The following CFAP47 variants were observed in gnomAD, a reference collection of about 807,000 sequenced individuals.
CFAP47 encodes the protein cilia- and flagella-associated protein 47.
CFAP47 carries 29 observed loss-of-function variants against 148.1 expected under a neutral mutation model. That is an observed-to-expected ratio of 0.20 (90% CI 0.15 to 0.27). The LOEUF (loss-of-function observed/expected upper bound fraction) is 0.27, where lower values mean the gene tolerates loss of function less well. Ranked by LOEUF, CFAP47 falls within the 10% of genes least tolerant of loss-of-function variation. The pLI is 1.00. For synonymous variants in CFAP47, 664 were observed against 577.3 expected, an observed-to-expected ratio of 1.15 and a Z score of -2.15; for missense variants, 1,872 against 1,697.5, an observed-to-expected ratio of 1.10 and a Z score of -1.81.
intron 48 of CFAP47, among the ~76,000 whole-genome samples, chrX:36,239,998 G>A (rs1042257052): frequency 1.8e-5 from 2 of 111,620 alleles, no homozygotes; most frequent in Non-Finnish European, 3.8e-5. Flanking sequence ...ACTGCTGACC[G>A]CTAAGCCAAC....
intron 62 of CFAP47, among the ~76,000 whole-genome samples, chrX:36,371,723 C>CACACATGTGTATATATGTGTGTATATAT (rs1941949273): frequency 1.9e-5 from 1 of 52,161 alleles, no homozygotes; most frequent in Admixed American, 1.9e-4. Flanking sequence ...TGTGTATATA[C>CACACATGTGTATATATGTGTGTATATAT]ACACATGTGT....
intron 49 of CFAP47, among the ~76,000 whole-genome samples, chrX:36,266,892 A>G (rs782797710): frequency 1.3e-4 from 14 of 111,207 alleles, no homozygotes; most frequent in Non-Finnish European, 2.1e-4. Flanking sequence ...AATCCCATGC[A>G]TGGTTCCCAG....
Position 36,047,007 on chromosome X carries a change from A to G in CFAP47, c.4161A>G (p.Ser1387=). The G allele has an allele frequency of 8.6e-7, 1 of 1,165,314 alleles. No homozygotes were observed. The highest frequency in any genetic ancestry group is 1.1e-6 in the Non-Finnish European group (1 of 871,782). Residue 1387 remains serine, a synonymous_variant, in exon 26 of 64, where the codon TCA becomes TCG. Transcript: ENST00000378653. ...NKLTCHLSFK[S]SKPVSFFTNL... is the part of the protein sequence containing the mutation. ...TCACTTGCCACCTCAGTTTCAAGTC[A>G]TCTAAACCTGTGTCATTTTTTACCA...
chrX:36,332,947 G>C (rs1369874024), intron 57 of CFAP47, among the ~76,000 whole-genome samples: 3 of 111,803 alleles, frequency 2.7e-5, no homozygotes, highest in Admixed American at 1.9e-4. Context: ...AGAGTGTGTT[G>C]AATAATTAGT....
rs377269056 is a variant in CFAP47, at chrX:35,959,895, A to C, written c.1410+3699A>C. Among the ~76,000 whole-genome samples the C allele has an allele frequency of 7.6e-4, 83 of 109,213 alleles. 2 individuals carry two copies. The highest frequency in any genetic ancestry group is 1.9e-3 in the Admixed American group (19 of 10,137). 94.8% of individuals were successfully genotyped at this position (109,213 alleles called of 115,157 possible). ...CTCCGTCTCAAAAAAAAAAAAAAAA[A>C]AAAAAACTATTTGTTATTTTTTGTA... On this transcript the variant is annotated intron_variant, in intron 8 of 63. Coordinates refer to ENST00000378653, the MANE Select transcript of CFAP47 (RefSeq NM_001304548.2).
At chrX:35,961,431 C>T (rs1207344111) in intron 8 of CFAP47, among the ~76,000 whole-genome samples, 1 of 111,419 alleles carries the variant, frequency 9.0e-6, no homozygotes, top group Non-Finnish European at 1.9e-5. Context: ...TAGAATTTAC[C>T]ACCAAAGCCA....
At chrX:36,314,716 T>C in intron 56 of CFAP47, among the ~76,000 whole-genome samples, 1 of 111,568 alleles carries the variant, frequency 9.0e-6, no homozygotes, top group Non-Finnish European at 1.9e-5. Context: ...CTATCTATCA[T>C]CTATCTACCT....
chrX:36,329,311 T>C (rs1941545158), intron 57 of CFAP47, among the ~76,000 whole-genome samples: 1 of 111,648 alleles, frequency 9.0e-6, no homozygotes, highest in South Asian at 3.7e-4. Flanking sequence ...AATCTTATCA[T>C]AAAATAATCA....
chrX:35,972,060 C>A, intron 13 of CFAP47, 95 bp downstream of exon 13: 1 of 553,166 alleles, frequency 1.8e-6, no homozygotes, highest in Non-Finnish European at 2.9e-6. Flanking sequence ...TTAAAGTATG[C>A]AAGTATCAAC....
intron 26 of CFAP47, among the ~76,000 whole-genome samples, chrX:36,062,460 A>C (rs1195591202): frequency 9.0e-6 from 1 of 111,693 alleles, no homozygotes; most frequent in Non-Finnish European, 1.9e-5. Context: ...GTGATGTGTG[A>C]TTAGAGTATT....
At chrX:35,975,538 C>A in intron 14 of CFAP47, 134 bp from the exon 15 acceptor site, 3 of 708,929 alleles carry the variant, frequency 4.2e-6, no homozygotes, top group Non-Finnish European at 6.2e-6. Flanking sequence ...ATCTAATTAT[C>A]TTTCATAATT....
intron 21 of CFAP47, among the ~76,000 whole-genome samples, chrX:36,010,045 T>G (rs1302957009): frequency 9.0e-6 from 1 of 111,679 alleles, no homozygotes; most frequent in Non-Finnish European, 1.9e-5. Context: ...TCGACCATCT[T>G]AATATTTTTT....
chrX:36,119,021 G>A (rs73197123), intron 33 of CFAP47, among the ~76,000 whole-genome samples: 4,040 of 111,386 alleles, frequency 0.036, 107 homozygotes, highest in African/African-American at 0.086. Context: ...CTTCAAACAA[G>A]GATAATTTGA....
chrX:36,320,053 T>A (rs1007703095), intron 57 of CFAP47, among the ~76,000 whole-genome samples: 4 of 111,316 alleles, frequency 3.6e-5, no homozygotes, highest in Non-Finnish European at 7.5e-5. Context: ...CTCGAACTCC[T>A]GACCTCAGGT....
chrX:36,128,609 A>T (rs751736237), intron 33 of CFAP47, among the ~76,000 whole-genome samples: 1 of 110,657 alleles, frequency 9.0e-6, no homozygotes, highest in African/African-American at 3.3e-5. Flanking sequence ...GTATAATCTT[A>T]AACAGAGCAT....
chrX:36,304,046 C>A, intron 54 of CFAP47, 86 bp downstream of exon 54: 1 of 449,294 alleles, frequency 2.2e-6, no homozygotes, highest in Non-Finnish European at 3.8e-6. Flanking sequence ...AGTATTATCA[C>A]TTGAATTATT....
chrX:36,019,149 C>T (rs1017892264), intron 22 of CFAP47, among the ~76,000 whole-genome samples: 1 of 111,506 alleles, frequency 9.0e-6, no homozygotes, highest in African/African-American at 3.3e-5. Context: ...TGAAGTACAC[C>T]GACACACAGA....
At chrX:35,954,165 T>C (rs1349527640) in intron 7 of CFAP47, among the ~76,000 whole-genome samples, 6 of 111,105 alleles carry the variant, frequency 5.4e-5, no homozygotes, top group African/African-American at 2.0e-4. Context: ...AGGACAGTGT[T>C]ATTGGATACT....
chrX:36,226,394 C>T (rs1417114431), intron 45 of CFAP47, among the ~76,000 whole-genome samples: 1 of 111,710 alleles, frequency 9.0e-6, no homozygotes, highest in African/African-American at 3.3e-5. Context: ...TGGTTTCTAC[C>T]TCTGCTAGTT....
Sources: allele counts gnomAD v4.1 joint callset (sites outside exome capture counted in the v4.1 genomes callset), GRCh38; gene constraint gnomAD v4.1.1; transcripts MANE v1.5; gene names NCBI Gene and HGNC (gene_info 2026-07-23, HGNC 2026-07-21).